RAP1GAP2: variants seen among roughly 807,000 people sequenced by gnomAD.
RAP1GAP2 encodes the protein RAP1 GTPase activating protein 2.
A neutral mutation model predicts 95.0 loss-of-function variants in RAP1GAP2; 27 were observed. The ratio of observed to expected loss-of-function variants is 0.28; its 90% CI spans 0.21 to 0.39. RAP1GAP2 has a LOEUF of 0.39. RAP1GAP2 is among the 10% of genes least tolerant of loss of function. RAP1GAP2 has a pLI of 1.00. For missense variants in RAP1GAP2, 771 were observed against 970.0 expected (o/e 0.79, Z 2.72); for synonymous variants, 373 against 380.9 (o/e 0.98, Z 0.24).
rs201446435 is a variant in RAP1GAP2, at chr17:2,814,495, A to C, written c.80+13945A>C. ...ACAGCCCCTTCCCCATCGGCATGGAAGGCTCTCTTCCTTGTGCCCCTGGGG... is the reference window on the plus strand; with the variant it reads ...ACAGCCCCTTCCCCATCGGCATGGACGGCTCTCTTCCTTGTGCCCCTGGGG... On this transcript the variant is annotated intron_variant, in intron 2 of 24. Transcript: ENST00000254695. Among the ~76,000 whole-genome samples, 37 of 152,192 alleles carry C rather than the reference A, an allele frequency of 2.4e-4. No homozygotes were observed. The East Asian group carries it at 4.8e-3, about 20-fold the overall frequency.
At chr17:2,950,344 G>A (rs950723152) in intron 3 of RAP1GAP2, among the ~76,000 whole-genome samples, 1 of 152,040 alleles carries the variant, frequency 6.6e-6, no homozygotes, top group Non-Finnish European at 1.5e-5. Flanking sequence ...GAGCCAATGC[G>A]CCCAGCCAGA....
intron 1 of RAP1GAP2, among the ~76,000 whole-genome samples, chr17:2,782,164 T>C (rs1372963821): frequency 1.3e-5 from 2 of 152,168 alleles, no homozygotes; most frequent in South Asian, 2.1e-4. Context: ...CTCTCCAGGC[T>C]TCCTTATCCT....
intron 1 of RAP1GAP2, among the ~76,000 whole-genome samples, chr17:2,763,235 G>C (rs998223984): frequency 6.6e-6 from 1 of 152,198 alleles, no homozygotes; most frequent in Non-Finnish European, 1.5e-5. Context: ...GTTGATCACT[G>C]TTCTTGCTGT....
chr17:2,770,527 G>T (rs1416279230), intron 2 of RAP1GAP2: 2 of 397,906 alleles, frequency 5.0e-6, no homozygotes, highest in Non-Finnish European at 8.9e-6. Context: ...AGTGAGCTCC[G>T]CACTGGTCCA....
chr17:2,767,216 AC>A (rs1320595744), intron 1 of RAP1GAP2, among the ~76,000 whole-genome samples: 2 of 151,376 alleles, frequency 1.3e-5, no homozygotes, highest in African/African-American at 4.9e-5. Context: ...ACAAAAATTA[AC>A]CGGGTGTGGT....
chr17:2,905,328 G>T lies in RAP1GAP2; in HGVS notation c.125G>T (p.Arg42Leu). ...ANSSDATLPD[R>L]PLSPPLTAPP... ...AGCTCGGATGCGACCCTCCCAGACC[G>T]GCCGCTCTCCCCTCCTCTCACGGCA... The change falls in exon 3 of 25, where the codon CGG becomes CTG. Residue 42 changes from arginine to leucine, a missense_variant. Coordinates refer to ENST00000254695, the MANE Select transcript of RAP1GAP2 (RefSeq NM_015085.5). The T allele has an allele frequency of 6.2e-7, 1 of 1,613,734 alleles. No individual in the cohort carries two copies. The highest frequency in any genetic ancestry group is 8.5e-7 in the Non-Finnish European group (1 of 1,179,754).
chr17:2,936,154 C>T (rs1426099252), intron 3 of RAP1GAP2, among the ~76,000 whole-genome samples: 4 of 150,758 alleles, frequency 2.7e-5, no homozygotes, highest in Non-Finnish European at 5.9e-5. Context: ...ATGTGCACAA[C>T]GTGCAGGTTT....
chr17:2,792,081 A>T (rs569999728), upstream of RAP1GAP2, among the ~76,000 whole-genome samples: 2 of 134,642 alleles, frequency 1.5e-5, no homozygotes, highest in East Asian at 5.0e-4. Flanking sequence ...GCTGGTCTTG[A>T]ACTCCTGACC....
chr17:3,010,256 C>T (rs773674751), intron 17 of RAP1GAP2, among the ~76,000 whole-genome samples: 12 of 144,568 alleles, frequency 8.3e-5, no homozygotes, highest in Non-Finnish European at 1.5e-4. Flanking sequence ...AGGAGAATCA[C>T]GTGAACCCGG....
Position 2,855,916 on chromosome 17 carries a change from A to G in RAP1GAP2, c.81-49368A>G, listed in dbSNP as rs2151606149. The stretch of plus-strand genomic sequence containing the variant: ...GGCATGAGCCACCGTGCCCGGCTGA[A>G]GTGAATCTATTTAATAGAAATAGTA... On this transcript the variant is annotated intron_variant, in intron 2 of 24. Coordinates refer to ENST00000254695, the MANE Select transcript of RAP1GAP2 (RefSeq NM_015085.5). The surrounding 1 kb of genome is among the most constrained non-coding windows in gnomAD (Gnocchi z 4.3). Among the ~76,000 whole-genome samples, 1 of 152,304 alleles carries G rather than the reference A, an allele frequency of 6.6e-6. No individual in the cohort carries two copies. The highest frequency in any genetic ancestry group is 1.5e-5 in the Non-Finnish European group (1 of 68,020).
Position 2,965,177 on chromosome 17 carries a change from A to C in RAP1GAP2, c.493-363A>C. 4.3e-6 allele frequency: 1 copy of C among 230,940 alleles called. No individual in the cohort carries two copies. The highest frequency in any genetic ancestry group is 8.6e-6 in the Non-Finnish European group (1 of 115,816). 14.3% of individuals were successfully genotyped at this position (230,940 alleles called of 1,614,324 possible). On this transcript the variant is annotated intron_variant, in intron 7 of 24. Transcript: ENST00000254695. The surrounding 1 kb of genome is among the most constrained non-coding windows in gnomAD (Gnocchi z 4.7). ...TCTTGTGGTTAAGAACTTGCCCTTC[A>C]GAGTCAAGACAGCTGTGCGTTTGAA...
At chr17:2,853,091 C>A (rs1296796970) in intron 2 of RAP1GAP2, among the ~76,000 whole-genome samples, 1 of 152,136 alleles carries the variant, frequency 6.6e-6, no homozygotes, top group Non-Finnish European at 1.5e-5. Context: ...ACTCCCAGGG[C>A]CGGGAGAGCC....
intron 3 of RAP1GAP2, among the ~76,000 whole-genome samples, chr17:2,918,207 G>A (rs551313150): frequency 2.6e-5 from 4 of 152,018 alleles, no homozygotes; most frequent in East Asian, 1.9e-4. Flanking sequence ...AGGCTGAGGC[G>A]GGCAGATCAT....
intron 3 of RAP1GAP2, among the ~76,000 whole-genome samples, chr17:2,944,882 A>G (rs960009219): frequency 3.3e-5 from 5 of 151,906 alleles, no homozygotes; most frequent in Non-Finnish European, 7.4e-5. Flanking sequence ...TTTTAATGCT[A>G]TTTTATTTTT....
intron 7 of RAP1GAP2, 38 bp downstream of exon 7, chr17:2,964,106 C>T: frequency 3.3e-6 from 5 of 1,517,708 alleles, no homozygotes; most frequent in Non-Finnish European, 4.5e-6. Context: ...GGGTTGGGGG[C>T]AGAGGCTGGG....
At chr17:2,882,330 C>T (rs1157889447) in intron 2 of RAP1GAP2, among the ~76,000 whole-genome samples, 3 of 145,112 alleles carry the variant, frequency 2.1e-5, no homozygotes, top group Admixed American at 7.0e-5. Flanking sequence ...TTACTCTTGT[C>T]CCCCAGGGTG....
intron 12 of RAP1GAP2, among the ~76,000 whole-genome samples, chr17:2,991,913 C>T (rs111508791): frequency 0.014 from 2,068 of 151,288 alleles, 50 homozygotes; most frequent in African/African-American, 0.048. Flanking sequence ...TACAGGCGCC[C>T]GCCAACACGC....
intron 18 of RAP1GAP2, among the ~76,000 whole-genome samples, chr17:3,020,214 C>T (rs1287550168): frequency 1.3e-5 from 2 of 152,206 alleles, no homozygotes; most frequent in African/African-American, 4.8e-5. Flanking sequence ...GGGCCTGGCC[C>T]TGTGTTCCTC....
At chr17:2,869,393 G>A (rs2072749986) in intron 2 of RAP1GAP2, among the ~76,000 whole-genome samples, 2 of 151,554 alleles carry the variant, frequency 1.3e-5, no homozygotes, top group South Asian at 4.2e-4. Flanking sequence ...GTTGTACAAC[G>A]ATGTAAATGC....
Sources: gnomAD v4.1 joint callset for allele counts (sites outside exome capture counted in the v4.1 genomes callset) on GRCh38, gnomAD v4.1.1 for gene constraint, Gnocchi (gnomAD v3.1) non-coding constraint, MANE v1.5 for transcripts, NCBI Gene and HGNC (gene_info 2026-07-23, HGNC 2026-07-21) for gene names.